The following ATG14 variants were observed in gnomAD, a reference collection of about 807,000 sequenced individuals.
ATG14 encodes beclin 1-associated autophagy-related key regulator.
Under a neutral mutation model 60.4 loss-of-function variants are expected in ATG14, and 35 were observed. That is an observed-to-expected ratio of 0.58 (90% CI 0.44 to 0.77). The LOEUF is 0.77. Among genes scored for constraint, ATG14 ranks in the 30% least tolerant of loss-of-function variants. ATG14 has a pLI of 0.00. For missense variants in ATG14, 647 were observed against 626.3 expected (o/e 1.03, Z -0.35); for synonymous variants, 234 against 228.8 (o/e 1.02, Z -0.21).
intron 7 of ATG14, 54 bp downstream of exon 7, chr14:55,380,519 T>C (rs747086417): frequency 5.6e-5 from 67 of 1,199,496 alleles, no homozygotes; most frequent in Non-Finnish European, 7.3e-5. Context: ...AAAGACAAAA[T>C]AGAAACTTGA....
rs897745852 is a variant in ATG14 at position 55,382,773 on chromosome 14, T to C, written c.648-582A>G. ...GAACCATGAGGTAGGGCTGAACATA[T>C]AAGGTTCTCAAACTACTTGGTCTCA... On this transcript the variant is annotated intron_variant, in intron 5 of 9. Coordinates refer to ENST00000247178, the MANE Select transcript of ATG14 (RefSeq NM_014924.5). 4.6e-5 allele frequency among the ~76,000 whole-genome samples: 7 copies of C among 152,310 alleles called. No individual in the cohort carries two copies. The East Asian group carries it at 1.3e-3, about 29-fold the overall frequency.
intron 4 of ATG14, among the ~76,000 whole-genome samples, chr14:55,390,304 C>T (rs1025915938): frequency 1.3e-5 from 2 of 152,018 alleles, no homozygotes; most frequent in Non-Finnish European, 2.9e-5. Flanking sequence ...CTCCTGACCT[C>T]AGGTGATCCA....
chr14:55,380,219 G>GCCT (rs1199195065), intron 7 of ATG14, among the ~76,000 whole-genome samples: 1 of 151,994 alleles, frequency 6.6e-6, no homozygotes, highest in African/African-American at 2.4e-5. Flanking sequence ...CTGCACTCTG[G>GCCT]CCTGGGCGAC....
chr14:55,393,852 G>T (rs952545969), intron 3 of ATG14, among the ~76,000 whole-genome samples: 31 of 151,634 alleles, frequency 2.0e-4, no homozygotes, highest in African/African-American at 7.5e-4. Context: ...ACCCAGCGCA[G>T]ATTTTATAAG....
chr14:55,394,815 G>T (rs900892966), intron 3 of ATG14: 4 of 295,042 alleles, frequency 1.4e-5, no homozygotes, highest in Admixed American at 1.3e-4. Flanking sequence ...GGTATTATAG[G>T]ATATAAAAAC....
intron 1 of ATG14, among the ~76,000 whole-genome samples, chr14:55,410,301 T>C (rs1885551198): frequency 6.6e-6 from 1 of 152,236 alleles, no homozygotes; most frequent in African/African-American, 2.4e-5. Flanking sequence ...CTTAAGCATA[T>C]AGATGGTATT....
At chr14:55,395,301 C>T (rs953149811) in intron 3 of ATG14, 7 of 273,464 alleles carry the variant, frequency 2.6e-5, no homozygotes, top group African/African-American at 9.2e-5. Flanking sequence ...TCAGCAAAGC[C>T]GGGCTGCCTG....
chr14:55,377,563 A>G lies in ATG14; in HGVS notation c.1172+256T>C, dbSNP rs151241505. Among the ~76,000 whole-genome samples the G allele has an allele frequency of 6.4e-4, 98 of 152,318 alleles. No homozygotes were observed. In the East Asian group the frequency reaches 0.014, roughly 22 times the overall value. ...GAAAAGCACAAAAAGGCACTACTCCAGGAACATGTGGGTTCTTCAACTGCG... is the reference window on the plus strand; with the variant it reads ...GAAAAGCACAAAAAGGCACTACTCCGGGAACATGTGGGTTCTTCAACTGCG... On this transcript the variant is annotated intron_variant, in intron 9 of 9. Coordinates refer to ENST00000247178, the MANE Select transcript of ATG14 (RefSeq NM_014924.5).
intron 1 of ATG14, among the ~76,000 whole-genome samples, chr14:55,400,484 T>C (rs925161603): frequency 6.6e-6 from 1 of 152,220 alleles, no homozygotes; most frequent in Non-Finnish European, 1.5e-5. Flanking sequence ...AATTTATTTA[T>C]ATAAACCTCT....
intron 3 of ATG14, among the ~76,000 whole-genome samples, chr14:55,394,591 T>G (rs1299020746): frequency 3.3e-5 from 5 of 152,166 alleles, no homozygotes; most frequent in African/African-American, 1.2e-4. Flanking sequence ...TTTCAATCTT[T>G]CACAGCACTG....
chr14:55,391,045 T>C, intron 3 of ATG14, 53 bp from the exon 4 acceptor site: 2 of 1,221,096 alleles, frequency 1.6e-6, no homozygotes, highest in Non-Finnish European at 2.3e-6. Flanking sequence ...ATGGTTAATA[T>C]GATTATCTAC....
chr14:55,402,157 C>T (rs139787895), intron 1 of ATG14, among the ~76,000 whole-genome samples: 34 of 152,196 alleles, frequency 2.2e-4, no homozygotes, highest in South Asian at 6.2e-4. Flanking sequence ...CTAGCCTCAC[C>T]GTAACACCCA....
At chr14:55,387,314 T>G (rs1028993882) in intron 4 of ATG14, among the ~76,000 whole-genome samples, 1 of 152,206 alleles carries the variant, frequency 6.6e-6, no homozygotes, top group African/African-American at 2.4e-5. Flanking sequence ...TTCTGCAAGA[T>G]GGAACCACTT....
intron 3 of ATG14, among the ~76,000 whole-genome samples, chr14:55,394,375 C>T (rs1247082072): frequency 2.6e-5 from 4 of 152,064 alleles, no homozygotes; most frequent in Admixed American, 6.6e-5. Context: ...TCAATTTGTA[C>T]CCAATTCTTA....
chr14:55,401,533 T>C (rs553333242), intron 1 of ATG14, among the ~76,000 whole-genome samples: 1 of 152,368 alleles, frequency 6.6e-6, no homozygotes, highest in African/African-American at 2.4e-5. Flanking sequence ...AAGTCTTCTA[T>C]ATTATTCACT....
At chr14:55,390,780 G>A (rs1400035040) in intron 4 of ATG14, 131 bp downstream of exon 4, 9 of 646,140 alleles carry the variant, frequency 1.4e-5, no homozygotes, top group Non-Finnish European at 2.2e-5. Flanking sequence ...AGATGAGGGC[G>A]AGTAGTAAAA....
chr14:55,391,636 T>C lies in ATG14; in HGVS notation c.328-644A>G, dbSNP rs1007135632. 2.0e-5 allele frequency among the ~76,000 whole-genome samples: 3 copies of C among 152,190 alleles called. 1 individual carries two copies. The South Asian group carries it at 6.2e-4, about 32-fold the overall frequency. On this transcript the variant is annotated intron_variant, in intron 3 of 9. Coordinates refer to ENST00000247178, the MANE Select transcript of ATG14 (RefSeq NM_014924.5). ...GTTACTTAAAACTCAATTTAAATCATACAAAATCAAAAATTCAGTTCCTTA... is the reference window on the plus strand; with the variant it reads ...GTTACTTAAAACTCAATTTAAATCACACAAAATCAAAAATTCAGTTCCTTA...
chr14:55,395,072 CT>C, intron 3 of ATG14: 1 of 503,780 alleles, frequency 2.0e-6, no homozygotes. Context: ...CCCCTTTTCC[CT>C]TTTGTTTGCA....
chr14:55,404,860 G>A (rs926079009), intron 1 of ATG14, among the ~76,000 whole-genome samples: 1 of 152,172 alleles, frequency 6.6e-6, no homozygotes, highest in African/African-American at 2.4e-5. Context: ...CCAGGAGTAA[G>A]TCAGCCACAA....
Sources: allele counts gnomAD v4.1 joint callset (sites outside exome capture counted in the v4.1 genomes callset), GRCh38; gene constraint gnomAD v4.1.1; transcripts MANE v1.5; gene names NCBI Gene and HGNC (gene_info 2026-07-23, HGNC 2026-07-21).